Variants in KDM4D observed in about 807,000 individuals in gnomAD.
The protein encoded by KDM4D is lysine demethylase 4D, also known as lysine-specific demethylase 4D.
For synonymous variants in KDM4D, 254 were observed against 249.1 expected (o/e 1.02, Z -0.19); for missense variants, 427 against 674.8 (o/e 0.63, Z 4.07).
At chr11:94,975,311 A>G (rs1228543313) in intron 1 of KDM4D, among the ~76,000 whole-genome samples, 1 of 151,948 alleles carries the variant, frequency 6.6e-6, no homozygotes, top group East Asian at 1.9e-4. Context: ...AGTCTATTCT[A>G]TTCATTTTTT....
At position 94,997,393 on chromosome 11, in the gene KDM4D, G is replaced by A. The variant is rs782482345; in HGVS notation, c.21G>A (p.Lys7=). The change falls in exon 3 of 3, where the codon AAG becomes AAA. Residue 7 remains lysine (K), a synonymous_variant. Transcript: ENST00000335080. ...ATTAAATGGAAACTATGAAGTCTAA[G>A]GCCAACTGTGCCCAGAATCCAAATT... The part of the protein sequence containing the change: METMKS[K]ANCAQNPNCN... 6.2e-7 allele frequency: 1 copy of A among 1,610,658 alleles called. No individual in the cohort carries two copies. The highest frequency in any genetic ancestry group is 8.5e-7 in the Non-Finnish European group (1 of 1,178,338).
rs782226650 is a variant in KDM4D at position 94,998,387 on chromosome 11, G to A, written c.1015G>A (p.Gly339Arg). 6.2e-7 allele frequency: 1 copy of A among 1,614,082 alleles called. No individual in the cohort carries two copies. The highest frequency in any genetic ancestry group is 8.5e-7 in the Non-Finnish European group (1 of 1,180,038). ...TGAACGCTATGACCTGTGGAAACGTGGGCAAGACCGGGCAGTTGTGGACCA... is the reference window on the plus strand; with the variant it reads ...TGAACGCTATGACCTGTGGAAACGTAGGCAAGACCGGGCAGTTGTGGACCA... ...QPERYDLWKR[G>R]QDRAVVDHME... The change falls in exon 3 of 3, where the codon GGG becomes AGG. Residue 339 changes from glycine (G) to arginine (R), a missense_variant. Gly to Arg is a moderately radical substitution (Grantham distance 125, BLOSUM62 -2). Transcript: ENST00000335080. This position sits in a 1 kb window ranked among gnomAD's most constrained non-coding sequence, Gnocchi z 6.7.
rs782145835 is a variant in KDM4D, at chr11:94,997,506, G to C, written c.134G>C (p.Arg45Thr). 1.2e-6 allele frequency: 2 copies of C among 1,614,174 alleles called. No individual in the cohort carries two copies. The highest frequency in any genetic ancestry group is 1.7e-6 in the Non-Finnish European group (2 of 1,180,030). The change falls in exon 3 of 3, where the codon AGA becomes ACA. Residue 45 changes from arginine (R) to threonine (T), a missense_variant. By Grantham distance (71) the Arg-to-Thr change is moderately conservative. Transcript: ENST00000335080. ...IAYMESQGAH[R>T]AGLAKIIPPK... ...TACATGGAATCCCAAGGTGCACACA[G>C]AGCTGGCTTGGCTAAGATAATTCCA...
At chr11:94,995,108 A>G (rs1264415708) in intron 2 of KDM4D, among the ~76,000 whole-genome samples, 4 of 152,140 alleles carry the variant, frequency 2.6e-5, no homozygotes, top group African/African-American at 4.8e-5. Context: ...ATATAAGAAA[A>G]CCAATATTCT....
At chr11:94,983,752 AAAAT>A (rs1857861750) in intron 2 of KDM4D, among the ~76,000 whole-genome samples, 1 of 152,086 alleles carries the variant, frequency 6.6e-6, no homozygotes, top group South Asian at 2.1e-4. Flanking sequence ...CTACAATAAT[AAAAT>A]AAAAGGAGAT....
intron 2 of KDM4D, among the ~76,000 whole-genome samples, chr11:94,978,434 T>C (rs1363622059): frequency 1.3e-5 from 2 of 152,194 alleles, no homozygotes; most frequent in Non-Finnish European, 2.9e-5. Context: ...CTTTGATGTT[T>C]TGACAAGTGA....
intron 2 of KDM4D, among the ~76,000 whole-genome samples, chr11:94,981,260 A>G (rs1857840106): frequency 6.6e-6 from 1 of 152,074 alleles, no homozygotes; most frequent in Non-Finnish European, 1.5e-5. Flanking sequence ...TGCTGGAATC[A>G]ATTTGCTCAG....
Position 94,999,462 on chromosome 11 carries a change from T to C in KDM4D, c.*518T>C, listed in dbSNP as rs1462253394. On this transcript the variant is annotated 3_prime_UTR_variant, in exon 3 of 3. Coordinates refer to ENST00000335080, the MANE Select transcript of KDM4D (RefSeq NM_018039.3). ...CTGAGTTATTTATGTACTTAAAATA[T>C]GTTGTCACAGTATTTGTTCCCAAAT... 6.0e-6 allele frequency: 1 copy of C among 166,536 alleles called. No individual in the cohort carries two copies. The highest frequency in any genetic ancestry group is 1.9e-4 in the East Asian group (1 of 5,212). The allele number at this position is 166,536 out of a possible 1,614,324, so 10.3% of individuals were successfully genotyped here. A position where few individuals can be genotyped will look rare whatever the true frequency, so the allele number is the denominator to read the frequency against.
rs1386947906 is a variant in KDM4D at position 94,998,017 on chromosome 11, G to T, written c.645G>T (p.Val215=). ...HLGEPKTWYV[V]PPEHGQRLER... Reference sequence around the variant, plus strand: ...GGGAGCCCAAAACTTGGTATGTGGTGCCCCCAGAACATGGCCAGCGCCTGG... The same window carrying T: ...GGGAGCCCAAAACTTGGTATGTGGTTCCCCCAGAACATGGCCAGCGCCTGG... Residue 215 remains valine (V), a synonymous_variant, in exon 3 of 3, where the codon GTG becomes GTT. Coordinates refer to ENST00000335080, the MANE Select transcript of KDM4D (RefSeq NM_018039.3). This position sits in a 1 kb window ranked among gnomAD's most constrained non-coding sequence, Gnocchi z 6.7. 6.2e-7 allele frequency: 1 copy of T among 1,614,202 alleles called. No individual in the cohort carries two copies. The highest frequency in any genetic ancestry group is 8.5e-7 in the Non-Finnish European group (1 of 1,180,020).
At chr11:94,981,690 T>C (rs182692952) in intron 2 of KDM4D, among the ~76,000 whole-genome samples, 2 of 152,152 alleles carry the variant, frequency 1.3e-5, no homozygotes, top group East Asian at 3.9e-4. Context: ...ATGACTTCTT[T>C]ATCTTTGTTG....
chr11:94,988,544 T>G (rs180944904), intron 2 of KDM4D, among the ~76,000 whole-genome samples: 60 of 152,328 alleles, frequency 3.9e-4, no homozygotes, highest in African/African-American at 1.2e-3. Context: ...ATGAAGGATC[T>G]GTTCCTGGAG....
chr11:94,986,078 C>T (rs587630242), intron 2 of KDM4D, among the ~76,000 whole-genome samples: 1 of 152,154 alleles, frequency 6.6e-6, no homozygotes, highest in Non-Finnish European at 1.5e-5. Flanking sequence ...TTCTTGTGCA[C>T]TTCGAAAGAC....
rs1555099642 is a variant in KDM4D at position 94,998,760 on chromosome 11, A to G, written c.1388A>G (p.Gln463Arg). The stretch of plus-strand genomic sequence containing the variant: ...CGCCCTCCTCAGAAACTGAGAGCTC[A>G]GGAGCTGACCCTCCAGACTCCAGCC... ...RGRPPQKLRA[Q>R]ELTLQTPAKR... The change falls in exon 3 of 3, where the codon CAG becomes CGG. Residue 463 changes from glutamine (Q) to arginine (R), a missense_variant. By Grantham distance (43) the Gln-to-Arg change is conservative (BLOSUM62 1). Coordinates refer to ENST00000335080, the MANE Select transcript of KDM4D (RefSeq NM_018039.3). This position sits in a 1 kb window ranked among gnomAD's most constrained non-coding sequence, Gnocchi z 6.7. 1 of 1,612,694 alleles carries G rather than the reference A, an allele frequency of 6.2e-7. No homozygotes were observed. Among genetic ancestry groups the G allele is most frequent in the Non-Finnish European group, 8.5e-7 (1 of 1,178,852 alleles).
At position 94,975,705 on chromosome 11, in the gene KDM4D, A is replaced by G. The variant is rs1344347563; in HGVS notation, c.-393A>G. ...CTTGTCTCTCTTGTTCACTGGGTGTATCCTCTGCATATAGAACAGTGCCTG... is the reference window on the plus strand; with the variant it reads ...CTTGTCTCTCTTGTTCACTGGGTGTGTCCTCTGCATATAGAACAGTGCCTG... On this transcript the variant is annotated 5_prime_UTR_variant, in exon 2 of 3. Coordinates refer to ENST00000335080, the MANE Select transcript of KDM4D (RefSeq NM_018039.3). 1.3e-5 allele frequency: 2 copies of G among 152,170 alleles called. No homozygotes were observed. The highest frequency in any genetic ancestry group is 2.9e-5 in the Non-Finnish European group (2 of 68,046). The allele number at this position is 152,170 out of a possible 1,614,324, so 9.4% of individuals were successfully genotyped here.
In KDM4D at chr11:94,998,303, A is replaced by G. The variant is rs1555099509; in HGVS notation, c.931A>G (p.Ser311Gly). The change falls in exon 3 of 3, where the codon AGC becomes GGC. Residue 311 changes from serine to glycine, a missense_variant. Coordinates refer to ENST00000335080, the MANE Select transcript of KDM4D (RefSeq NM_018039.3). This position sits in a 1 kb window ranked among gnomAD's most constrained non-coding sequence, Gnocchi z 6.7. ...TTATGGCAAAATGGCCTCCCAGTGT[A>G]GCTGTGGGGAGGCAAGGGTGACCTT... Reference protein sequence around the residue: ...IDYGKMASQCSCGEARVTFSM... With the variant: ...IDYGKMASQCGCGEARVTFSM... 6.2e-7 allele frequency: 1 copy of G among 1,614,182 alleles called. No homozygotes were observed. Among genetic ancestry groups the G allele is most frequent in the South Asian group, 1.1e-5 (1 of 91,082 alleles).
intron 2 of KDM4D, among the ~76,000 whole-genome samples, chr11:94,983,625 G>A (rs1232452496): frequency 6.6e-6 from 1 of 151,934 alleles, no homozygotes; most frequent in East Asian, 1.9e-4. Flanking sequence ...GAAAAAATCG[G>A]CAAAAGGTAT....
Position 94,998,407 on chromosome 11 carries a change from G to A in KDM4D, c.1035G>A (p.Val345=). 1 of 1,614,024 alleles carries A rather than the reference G, an allele frequency of 6.2e-7. No homozygotes were observed. Among genetic ancestry groups the A allele is most frequent in the Middle Eastern group, 1.6e-4 (1 of 6,062 alleles). ...AACGTGGGCAAGACCGGGCAGTTGT[G>A]GACCACATGGAGCCCAGGGTACCAG... ...LWKRGQDRAV[V]DHMEPRVPAS... Residue 345 remains valine, a synonymous_variant, in exon 3 of 3, where the codon GTG becomes GTA. Transcript: ENST00000335080. This position sits in a 1 kb window ranked among gnomAD's most constrained non-coding sequence, Gnocchi z 6.7.
intron 2 of KDM4D, among the ~76,000 whole-genome samples, chr11:94,989,342 T>C (rs1857914139): frequency 6.6e-6 from 1 of 152,132 alleles, no homozygotes; most frequent in Admixed American, 6.6e-5. Context: ...TCCTTAAAAC[T>C]CAATGGAGTG....
chr11:94,986,990 A>G (rs1321881080), intron 2 of KDM4D, among the ~76,000 whole-genome samples: 1 of 152,264 alleles, frequency 6.6e-6, no homozygotes, highest in African/African-American at 2.4e-5. Flanking sequence ...GTCATAAGAA[A>G]TAAAATACTG....
Sources: gnomAD v4.1 joint callset for allele counts (sites outside exome capture counted in the v4.1 genomes callset) on GRCh38, gnomAD v4.1.1 for gene constraint, Gnocchi (gnomAD v3.1) non-coding constraint, MANE v1.5 for transcripts, NCBI Gene and HGNC (gene_info 2026-07-23, HGNC 2026-07-21) for gene names.